The following LPIN1 variants were observed in gnomAD, a reference collection of about 807,000 sequenced individuals.
LPIN1 encodes the protein phosphatidate phosphatase LPIN1.
LPIN1 carries 71 observed loss-of-function variants against 107.5 expected under a neutral mutation model. The ratio of observed to expected loss-of-function variants is 0.66; its 90% CI spans 0.55 to 0.80. The LOEUF (loss-of-function observed/expected upper bound fraction) is 0.80, where lower values mean the gene tolerates loss of function less well. Ranked by LOEUF, LPIN1 falls within the 30% of genes least tolerant of loss-of-function variation. LPIN1 has a pLI of 0.00. For missense variants in LPIN1, 1,043 were observed against 1,160.6 expected (o/e 0.90, Z 1.47); for synonymous variants, 445 against 452.6 (o/e 0.98, Z 0.21).
At chr2:11,780,021 C>G (rs2001622) in intron 7 of LPIN1, among the ~76,000 whole-genome samples, 39,442 of 151,948 alleles carry the variant, frequency 0.26, 5,876 homozygotes, top group African/African-American at 0.41. Flanking sequence ...GCTGGGATTA[C>G]AGGCGCATGC....
chr2:11,696,046 C>CTTTT (rs531347349), intron 1 of LPIN1, among the ~76,000 whole-genome samples: 50 of 126,060 alleles, frequency 4.0e-4, no homozygotes, highest in African/African-American at 1.6e-3. Context: ...GCTGACTCTC[C>CTTTT]TTTTTTTTTT....
At chr2:11,809,703 A>C (rs58774718) in intron 17 of LPIN1, among the ~76,000 whole-genome samples, 1,876 of 152,336 alleles carry the variant, frequency 0.012, 31 homozygotes, top group African/African-American at 0.043. Flanking sequence ...GGCGTGAGCC[A>C]CTGCGCCCGG....
Position 11,797,194 on chromosome 2 carries a change from G to A in LPIN1, c.1886+1707G>A, listed in dbSNP as rs185331191. Among the ~76,000 whole-genome samples the A allele has an allele frequency of 1.6e-4, 24 of 152,370 alleles. 1 individual carries two copies. The highest frequency in any genetic ancestry group is 2.6e-4 in the Admixed American group (4 of 15,310). ...ATTTCTAAACACAAGAGGTAGCACA[G>A]AGCAGGATGTACAGCAGGGACCTTG... On this transcript the variant is annotated intron_variant, in intron 14 of 20. Coordinates refer to ENST00000674199, the MANE Select transcript of LPIN1 (RefSeq NM_001349206.2).
chr2:11,773,442 A>C (rs910046874), intron 4 of LPIN1, among the ~76,000 whole-genome samples, 178 bp from the exon 5 acceptor site: 9 of 152,192 alleles, frequency 5.9e-5, no homozygotes, highest in African/African-American at 2.2e-4. Flanking sequence ...GCACATAGAC[A>C]CGTTTATGGA....
Position 11,765,619 on chromosome 2 carries a change from A to T in LPIN1, c.78A>T (p.Thr26=). 6.2e-7 allele frequency: 1 copy of T among 1,613,986 alleles called. No homozygotes were observed. The highest frequency in any genetic ancestry group is 8.5e-7 in the Non-Finnish European group (1 of 1,179,970). ...KELYKGLNPA[T]LSGCIDIIVI... ...TCTACAAGGGGCTGAATCCCGCCAC[A>T]CTCTCAGGGTGCATTGACATCATTG... The change falls in exon 2 of 21, where the codon ACA becomes ACT. Residue 26 remains threonine, a synonymous_variant. Coordinates refer to ENST00000674199, the MANE Select transcript of LPIN1 (RefSeq NM_001349206.2). The surrounding 1 kb of genome is among the most constrained non-coding windows in gnomAD (Gnocchi z 4.4).
At chr2:11,805,411 T>C in intron 17 of LPIN1, 3 of 580,576 alleles carry the variant, frequency 5.2e-6, no homozygotes, top group Non-Finnish European at 9.3e-6. Flanking sequence ...AGAACACAGA[T>C]GGTGGCAGCA....
intron 1 of LPIN1, among the ~76,000 whole-genome samples, chr2:11,698,196 G>GAACAGCAAAGC (rs1287599557): frequency 6.6e-6 from 1 of 152,208 alleles, no homozygotes; most frequent in Non-Finnish European, 1.5e-5. Context: ...CCTGACTCAG[G>GAACAGCAAAGC]CTGTCTGTTC....
chr2:11,716,520 T>C (rs1663751768), intron 2 of LPIN1, among the ~76,000 whole-genome samples: 1 of 151,918 alleles, frequency 6.6e-6, no homozygotes, highest in Non-Finnish European at 1.5e-5. Flanking sequence ...TACTAGGCAC[T>C]GGGGACACAG....
At chr2:11,746,607 G>T (rs1666955979), upstream of LPIN1, 4 of 985,180 alleles carry the variant, frequency 4.1e-6, no homozygotes, top group Non-Finnish European at 4.8e-6. Flanking sequence ...AAGGCGAGCT[G>T]CGCTGACAGC....
chr2:11,787,833 C>T (rs1396962236), intron 11 of LPIN1, among the ~76,000 whole-genome samples: 1 of 150,862 alleles, frequency 6.6e-6, no homozygotes, highest in Non-Finnish European at 1.5e-5. Context: ...TCCAGCTACT[C>T]GGGAGGATGA....
At chr2:11,799,170 C>T (rs918144038) in intron 14 of LPIN1, among the ~76,000 whole-genome samples, 4 of 152,132 alleles carry the variant, frequency 2.6e-5, no homozygotes, top group African/African-American at 7.2e-5. Context: ...CAGCCAACTG[C>T]GCATCTCGCA....
intron 20 of LPIN1, among the ~76,000 whole-genome samples, chr2:11,821,058 C>A (rs1007598792): frequency 1.3e-5 from 2 of 152,196 alleles, no homozygotes; most frequent in African/African-American, 4.8e-5. Context: ...TTTATCCTGT[C>A]CCCCTCGGGT....
At chr2:11,742,446 G>A (rs1666466301), upstream of LPIN1, among the ~76,000 whole-genome samples, 1 of 152,182 alleles carries the variant, frequency 6.6e-6, no homozygotes, top group South Asian at 2.1e-4. Flanking sequence ...TGAGACTTGA[G>A]ATGTGCTGCT....
chr2:11,714,746 T>C (rs532807704), intron 2 of LPIN1, among the ~76,000 whole-genome samples: 12 of 152,210 alleles, frequency 7.9e-5, no homozygotes, highest in Non-Finnish European at 1.6e-4. Context: ...TTAGTGTCCC[T>C]ACTGTGGCCT....
intron 17 of LPIN1, among the ~76,000 whole-genome samples, chr2:11,810,530 C>G (rs566491899): frequency 6.6e-6 from 1 of 152,300 alleles, no homozygotes; most frequent in Admixed American, 6.5e-5. Flanking sequence ...CTCACCAAGC[C>G]TGAGTGGTGC....
chr2:11,784,138 T>C (rs748556018), intron 9 of LPIN1: 1 of 806,166 alleles, frequency 1.2e-6, no homozygotes, highest in Non-Finnish European at 1.8e-6. Context: ...ATCCTCGTTC[T>C]ACTGAAAATA....
chr2:11,788,532 C>A (rs930401593), intron 12 of LPIN1, 76 bp downstream of exon 12: 1 of 1,184,178 alleles, frequency 8.4e-7, no homozygotes, highest in African/African-American at 1.5e-5. Context: ...TGGAATTTCA[C>A]TTTTATTTTG....
intron 17 of LPIN1, among the ~76,000 whole-genome samples, chr2:11,807,762 C>A (rs1678964594): frequency 6.6e-6 from 1 of 152,138 alleles, no homozygotes. Flanking sequence ...CCCAGTCAGG[C>A]CTGTGTGATT....
Position 11,815,186 on chromosome 2 carries a change from T to A in LPIN1, c.2348T>A (p.Leu783Gln). 1.2e-6 allele frequency: 2 copies of A among 1,614,208 alleles called. No individual in the cohort carries two copies. The highest frequency in any genetic ancestry group is 1.7e-6 in the Non-Finnish European group (2 of 1,180,038). The change falls in exon 18 of 21, where the codon CTG becomes CAG. Residue 783 changes from leucine (L) to glutamine (Q), a missense_variant. Physicochemically the swap from Leu to Gln is moderately radical, Grantham distance 113. Transcript: ENST00000674199. ...TGGGTCAACGAGAGGGGCACGGTGC[T>A]GCCCCAGGGGCCCCTGCTGCTGAGT... is the stretch of plus-strand genomic sequence containing the variant. ...LHWVNERGTV[L>Q]PQGPLLLSPS...
Sources: gnomAD v4.1 joint callset for allele counts (sites outside exome capture counted in the v4.1 genomes callset) on GRCh38, gnomAD v4.1.1 for gene constraint, Gnocchi (gnomAD v3.1) non-coding constraint, MANE v1.5 for transcripts, NCBI Gene and HGNC (gene_info 2026-07-23, HGNC 2026-07-21) for gene names.